CNTN5: variants seen among roughly 807,000 people sequenced by gnomAD.
CNTN5 encodes contactin-5.
A neutral mutation model predicts 129.1 loss-of-function variants in CNTN5; 77 were observed. The observed-to-expected ratio is 0.60, with a 90% CI of 0.50 to 0.72. The LOEUF (loss-of-function observed/expected upper bound fraction) is 0.72. Ranked by LOEUF, CNTN5 falls within the 30% of genes least tolerant of loss-of-function variation. The pLI is 0.00. For missense variants in CNTN5, 1,478 were observed against 1,328.8 expected (o/e 1.11, Z -1.75); for synonymous variants, 509 against 465.6 (o/e 1.09, Z -1.20).
intron 1 of CNTN5, among the ~76,000 whole-genome samples, chr11:99,136,566 A>G (rs4519062): frequency 0.9 from 137,083 of 152,212 alleles, 61,935 homozygotes; most frequent in East Asian, 0.99. Flanking sequence ...CTCATGCACA[A>G]AGCCTCACCT....
intron 6 of CNTN5, among the ~76,000 whole-genome samples, chr11:99,914,182 A>C (rs573591766): frequency 2.0e-5 from 3 of 152,194 alleles, no homozygotes; most frequent in South Asian, 4.1e-4. Flanking sequence ...GACTGCAGTG[A>C]GTTATGATCA....
intron 1 of CNTN5, among the ~76,000 whole-genome samples, chr11:99,127,010 T>C (rs1334671241): frequency 6.6e-6 from 1 of 152,214 alleles, no homozygotes; most frequent in East Asian, 1.9e-4. Context: ...CTACCATTAC[T>C]ATCTATGTAT....
chr11:100,207,638 G>A (rs183527915), intron 15 of CNTN5, among the ~76,000 whole-genome samples: 1 of 152,150 alleles, frequency 6.6e-6, no homozygotes, highest in Non-Finnish European at 1.5e-5. Context: ...TATAGTGATA[G>A]TATTTCCTAA....
chr11:100,283,117 G>A (rs934202773), intron 18 of CNTN5, among the ~76,000 whole-genome samples: 1 of 152,100 alleles, frequency 6.6e-6, no homozygotes, highest in Admixed American at 6.6e-5. Flanking sequence ...TCAAGACAAA[G>A]TCTCCTTTAC....
chr11:99,361,322 C>A (rs1010069746), intron 2 of CNTN5, among the ~76,000 whole-genome samples: 1 of 152,124 alleles, frequency 6.6e-6, no homozygotes, highest in Non-Finnish European at 1.5e-5. Flanking sequence ...TTTGTTATAG[C>A]AACCAAAATG....
chr11:99,753,531 C>T (rs1466043425), intron 3 of CNTN5, among the ~76,000 whole-genome samples: 1 of 151,052 alleles, frequency 6.6e-6, no homozygotes, highest in African/African-American at 2.4e-5. Flanking sequence ...CTCCCTGTCT[C>T]ACATTATCAG....
chr11:99,798,608 C>T (rs1946021251), intron 3 of CNTN5, among the ~76,000 whole-genome samples: 1 of 152,046 alleles, frequency 6.6e-6, no homozygotes, highest in Non-Finnish European at 1.5e-5. Flanking sequence ...GCTCTCTATT[C>T]TGTTCCATTG....
At chr11:99,142,710 G>A (rs1041118632) in intron 1 of CNTN5, among the ~76,000 whole-genome samples, 1 of 152,094 alleles carries the variant, frequency 6.6e-6, no homozygotes, top group Non-Finnish European at 1.5e-5. Flanking sequence ...AAGCATCCCT[G>A]GGCATACTCT....
At chr11:99,671,349 A>G (rs919551856) in intron 3 of CNTN5, among the ~76,000 whole-genome samples, 23 of 152,114 alleles carry the variant, frequency 1.5e-4, no homozygotes, top group African/African-American at 5.6e-4. Context: ...ATAATTAGTG[A>G]TTTTATTAAT....
At chr11:100,013,187 T>C (rs1033718464) in intron 9 of CNTN5, among the ~76,000 whole-genome samples, 1 of 152,006 alleles carries the variant, frequency 6.6e-6, no homozygotes, top group Non-Finnish European at 1.5e-5. Context: ...GACTCAGAAG[T>C]GTGGGAGGGT....
At chr11:99,935,120 T>C (rs545073512) in intron 7 of CNTN5, among the ~76,000 whole-genome samples, 105 of 151,358 alleles carry the variant, frequency 6.9e-4, no homozygotes, top group Non-Finnish European at 1.3e-3. Flanking sequence ...TTTTATACGA[T>C]ATAAAAATAT....
At chr11:99,860,398 G>C (rs1031743455) in intron 6 of CNTN5, among the ~76,000 whole-genome samples, 2 of 152,010 alleles carry the variant, frequency 1.3e-5, no homozygotes, top group Admixed American at 6.6e-5. Flanking sequence ...TGTCCAGAAT[G>C]GTGTTTCATA....
At chr11:99,523,663 T>TAGAA (rs1565258700) in intron 2 of CNTN5, among the ~76,000 whole-genome samples, 8 of 132,770 alleles carry the variant, frequency 6.0e-5, no homozygotes, top group African/African-American at 8.4e-5. Context: ...ACAGAACAGA[T>TAGAA]CAGAACAGAA....
At chr11:99,042,638 T>G (rs11218167) in intron 1 of CNTN5, among the ~76,000 whole-genome samples, 2,049 of 152,002 alleles carry the variant, frequency 0.013, 48 homozygotes, top group African/African-American at 0.047. Flanking sequence ...GCCTCTCAAA[T>G]TGTTGGGATT....
At chr11:100,258,302 A>G (rs187882897) in intron 17 of CNTN5, among the ~76,000 whole-genome samples, 17 of 152,308 alleles carry the variant, frequency 1.1e-4, no homozygotes, top group Admixed American at 2.0e-4. Context: ...AAGACCAAAT[A>G]TACGTTTGAC....
chr11:100,240,227 C>CA (rs1949709394), intron 16 of CNTN5, among the ~76,000 whole-genome samples: 1 of 151,920 alleles, frequency 6.6e-6, no homozygotes, highest in African/African-American at 2.4e-5. Context: ...ACACCCCGCC[C>CA]CACACCCCCC....
intron 3 of CNTN5, among the ~76,000 whole-genome samples, chr11:99,769,975 C>A (rs1171002115): frequency 6.6e-6 from 1 of 152,104 alleles, no homozygotes; most frequent in African/African-American, 2.4e-5. Context: ...ATTTGTTTTA[C>A]ATTTTTTTGT....
intron 1 of CNTN5, among the ~76,000 whole-genome samples, chr11:99,128,147 A>T (rs61893378): frequency 1.3e-5 from 2 of 151,990 alleles, no homozygotes; most frequent in African/African-American, 4.8e-5. Flanking sequence ...CCTCACTCAG[A>T]GGGTCCCACG....
intron 1 of CNTN5, among the ~76,000 whole-genome samples, chr11:99,080,046 C>A (rs1441708269): frequency 1.3e-5 from 2 of 152,038 alleles, no homozygotes; most frequent in Non-Finnish European, 2.9e-5. Context: ...ATTATAGATA[C>A]CCAATAGGTG....
Sources: gnomAD v4.1 joint callset for allele counts (sites outside exome capture counted in the v4.1 genomes callset) on GRCh38, gnomAD v4.1.1 for gene constraint, MANE v1.5 for transcripts, NCBI Gene and HGNC (gene_info 2026-07-23, HGNC 2026-07-21) for gene names.